The following PLCB4 variants were observed in gnomAD, a reference collection of about 807,000 sequenced individuals.
The protein encoded by PLCB4 is phospholipase C beta 4, also known as 1-phosphatidylinositol 4,5-bisphosphate phosphodiesterase beta-4.
Under a neutral mutation model 178.8 loss-of-function variants are expected in PLCB4, and 77 were observed. The observed-to-expected ratio is 0.43, with a 90% CI of 0.36 to 0.52. The LOEUF is 0.52. PLCB4 is among the 20% of genes least tolerant of loss of function. PLCB4 has a pLI of 0.00. For synonymous variants in PLCB4, 496 were observed against 490.8 expected, an observed-to-expected ratio of 1.01 and a Z score of -0.14; for missense variants, 1,024 against 1,453.4, an observed-to-expected ratio of 0.70 and a Z score of 4.80.
intron 3 of PLCB4, among the ~76,000 whole-genome samples, chr20:9,295,532 C>G (rs897844186): frequency 6.6e-6 from 1 of 151,954 alleles, no homozygotes; most frequent in African/African-American, 2.4e-5. Flanking sequence ...TCTTTGCTGC[C>G]CTTAGTAAGA....
At chr20:9,297,061 G>GAA in intron 3 of PLCB4, among the ~76,000 whole-genome samples, 1 of 152,000 alleles carries the variant, frequency 6.6e-6, no homozygotes, top group Non-Finnish European at 1.5e-5. Context: ...TTTATAATAT[G>GAA]TCAAAAACAA....
At chr20:9,368,653 A>G (rs1380371399) in intron 9 of PLCB4, among the ~76,000 whole-genome samples, 2 of 152,212 alleles carry the variant, frequency 1.3e-5, no homozygotes, top group African/African-American at 4.8e-5. Flanking sequence ...CCTTCACTCA[A>G]GAGTTCTCTG....
intron 4 of PLCB4, among the ~76,000 whole-genome samples, chr20:9,319,037 C>T (rs1335393086): frequency 6.6e-6 from 1 of 152,102 alleles, no homozygotes; most frequent in African/African-American, 2.4e-5. Context: ...GGTGAAGAGA[C>T]CCTAAGGACA....
chr20:9,468,476 G>A (rs1025797764), intron 35 of PLCB4, 95 bp from the exon 36 acceptor site: 1 of 763,744 alleles, frequency 1.3e-6, no homozygotes, highest in African/African-American at 1.7e-5. Context: ...CCCACCTCTA[G>A]AACTTTCTCA....
At chr20:9,324,279 A>G (rs553729357) in intron 4 of PLCB4, among the ~76,000 whole-genome samples, 1 of 152,114 alleles carries the variant, frequency 6.6e-6, no homozygotes, top group East Asian at 1.9e-4. Context: ...TACAAAAATT[A>G]GCTGGGCATG....
chr20:9,301,779 C>T (rs577876223), intron 3 of PLCB4, among the ~76,000 whole-genome samples: 125 of 152,236 alleles, frequency 8.2e-4, no homozygotes, highest in African/African-American at 2.9e-3. Context: ...CTAGGACTCC[C>T]CTTCTTTCTT....
At chr20:9,314,290 T>G (rs1010887061) in intron 4 of PLCB4, among the ~76,000 whole-genome samples, 1 of 152,142 alleles carries the variant, frequency 6.6e-6, no homozygotes, top group Non-Finnish European at 1.5e-5. Flanking sequence ...GGATGACCAG[T>G]GACAAGTGGA....
At chr20:9,088,969 CATATA>C (rs1200631584) in intron 1 of PLCB4, among the ~76,000 whole-genome samples, 1 of 151,408 alleles carries the variant, frequency 6.6e-6, no homozygotes, top group African/African-American at 2.4e-5. Context: ...ATAATGATGT[CATATA>C]ATATATAAAA....
intron 3 of PLCB4, among the ~76,000 whole-genome samples, chr20:9,221,040 A>C (rs1391296167): frequency 6.6e-6 from 1 of 152,202 alleles, no homozygotes; most frequent in South Asian, 2.1e-4. Flanking sequence ...CTCCAGAAGC[A>C]GACTGAGAAG....
chr20:9,404,130 C>T (rs1160196658), intron 20 of PLCB4, among the ~76,000 whole-genome samples: 1 of 151,936 alleles, frequency 6.6e-6, no homozygotes, highest in African/African-American at 2.4e-5. Context: ...GGAAGTGGTG[C>T]AGTAGAGAGG....
intron 2 of PLCB4, among the ~76,000 whole-genome samples, chr20:9,189,507 C>T (rs1329003761): frequency 1.3e-5 from 2 of 150,830 alleles, no homozygotes; most frequent in African/African-American, 2.4e-5. Flanking sequence ...GGTTGGTTAA[C>T]TGTTCATTGT....
chr20:9,168,205 A>G (rs1370492409), intron 2 of PLCB4, among the ~76,000 whole-genome samples: 1 of 152,166 alleles, frequency 6.6e-6, no homozygotes, highest in African/African-American at 2.4e-5. Context: ...TTTTCAACAC[A>G]AGTTCAACTG....
chr20:9,135,135 C>G (rs1197892192), intron 2 of PLCB4, among the ~76,000 whole-genome samples: 2 of 151,950 alleles, frequency 1.3e-5, no homozygotes, highest in Non-Finnish European at 2.9e-5. Flanking sequence ...GCAACCCTCC[C>G]AACTTCTGCA....
intron 1 of PLCB4, among the ~76,000 whole-genome samples, chr20:9,074,194 T>C (rs1007713173): frequency 1.3e-5 from 2 of 152,172 alleles, no homozygotes; most frequent in African/African-American, 4.8e-5. Flanking sequence ...TTGCCCTATC[T>C]GTAAAATGAG....
chr20:9,262,133 C>T (rs796655741), intron 3 of PLCB4, among the ~76,000 whole-genome samples: 6 of 152,238 alleles, frequency 3.9e-5, no homozygotes, highest in African/African-American at 1.4e-4. Context: ...ATGGGATAGG[C>T]TGAGCTGGAG....
chr20:9,287,669 A>G (rs766892570), intron 3 of PLCB4, among the ~76,000 whole-genome samples: 1 of 152,076 alleles, frequency 6.6e-6, no homozygotes, highest in Non-Finnish European at 1.5e-5. Context: ...TTTCAGGCTC[A>G]TGAGGGATTT....
intron 2 of PLCB4, among the ~76,000 whole-genome samples, chr20:9,126,028 G>A (rs6140866): frequency 0.44 from 66,409 of 151,910 alleles, 15,600 homozygotes; most frequent in Middle Eastern, 0.54. Flanking sequence ...ATGCATGTAT[G>A]TGTGTGTGTG....
intron 1 of PLCB4, among the ~76,000 whole-genome samples, chr20:9,080,137 T>C (rs1310605310): frequency 6.6e-6 from 1 of 152,166 alleles, no homozygotes; most frequent in Non-Finnish European, 1.5e-5. Context: ...ACAGAATCAT[T>C]AGCATCACTG....
intron 29 of PLCB4, among the ~76,000 whole-genome samples, chr20:9,436,747 T>C (rs925989257): frequency 1.3e-5 from 2 of 152,214 alleles, no homozygotes; most frequent in Non-Finnish European, 2.9e-5. Flanking sequence ...TTCTTTGTTT[T>C]TAAATGTTCT....
Sources: gnomAD v4.1 joint callset for allele counts (sites outside exome capture counted in the v4.1 genomes callset) on GRCh38, gnomAD v4.1.1 for gene constraint, MANE v1.5 for transcripts, NCBI Gene and HGNC (gene_info 2026-07-23, HGNC 2026-07-21) for gene names.